The following GRID2 variants were observed in gnomAD, a reference collection of about 807,000 sequenced individuals.
The protein encoded by GRID2 is glutamate ionotropic receptor delta type subunit 2, also known as glutamate receptor ionotropic, delta-2.
GRID2 carries 33 observed loss-of-function variants against 114.8 expected under a neutral mutation model. The ratio of observed to expected loss-of-function variants is 0.29; its 90% CI spans 0.22 to 0.38. The LOEUF (loss-of-function observed/expected upper bound fraction) is 0.38, where lower values mean the gene tolerates loss of function less well. Ranked by LOEUF, GRID2 falls within the 10% of genes least tolerant of loss-of-function variation. The pLI is 1.00. For synonymous variants in GRID2, 505 were observed against 449.9 expected (o/e 1.12, Z -1.55); for missense variants, 1,184 against 1,257.7 (o/e 0.94, Z 0.89).
intron 2 of GRID2, among the ~76,000 whole-genome samples, chr4:92,856,274 T>C (rs1744173225): frequency 6.6e-6 from 1 of 152,118 alleles, no homozygotes. Flanking sequence ...CTTCTTGTCC[T>C]CTGAATTTCT....
chr4:92,506,498 A>G (rs190316004), intron 1 of GRID2, among the ~76,000 whole-genome samples: 13 of 152,124 alleles, frequency 8.5e-5, no homozygotes, highest in Admixed American at 7.2e-4. Flanking sequence ...AAATAATCAG[A>G]AGAAACATTG....
At chr4:93,440,176 G>C (rs1721494074) in intron 10 of GRID2, among the ~76,000 whole-genome samples, 1 of 152,028 alleles carries the variant, frequency 6.6e-6, no homozygotes, top group Non-Finnish European at 1.5e-5. Flanking sequence ...TCACACAAAA[G>C]AGTCTTACAT....
chr4:93,356,872 G>C (rs1364498998), intron 8 of GRID2, among the ~76,000 whole-genome samples: 1 of 151,690 alleles, frequency 6.6e-6, no homozygotes, highest in Non-Finnish European at 1.5e-5. Context: ...TTTTGGAACA[G>C]TTTTTATGAC....
At position 93,804,430 on chromosome 4, in the gene GRID2, C is replaced by T. The variant is rs374327603; in HGVS notation, c.222-2285C>T. On this transcript the variant is annotated intron_variant, in intron 1 of 1. Coordinates refer to the GRID2 transcript ENST00000637838. ...TCTGAGGCTACCAACCGGTACAGCA[C>T]GCCGCTGTACAGAATACCGCAGGCA... Among the ~76,000 whole-genome samples, 30 of 152,204 alleles carry T rather than the reference C, an allele frequency of 2.0e-4. 2 individuals carry two copies. In the South Asian group the frequency reaches 6.2e-3, roughly 31 times the overall value.
At chr4:93,676,110 T>C (rs1724832298) in intron 14 of GRID2, among the ~76,000 whole-genome samples, 1 of 152,244 alleles carries the variant, frequency 6.6e-6, no homozygotes. Context: ...TCATCTGTAT[T>C]GATTGCCACT....
At chr4:92,454,795 C>T (rs1366461945) in intron 1 of GRID2, among the ~76,000 whole-genome samples, 1 of 152,220 alleles carries the variant, frequency 6.6e-6, no homozygotes, top group Admixed American at 6.5e-5. Context: ...GAGATCGCAC[C>T]ACTGCACTCC....
chr4:93,319,187 T>G (rs1271708185), intron 8 of GRID2, among the ~76,000 whole-genome samples: 2 of 152,048 alleles, frequency 1.3e-5, no homozygotes, highest in Non-Finnish European at 2.9e-5. Flanking sequence ...ATGCTAGCCA[T>G]TCAAAATGTA....
At chr4:93,124,459 G>A (rs1436852501) in intron 4 of GRID2, among the ~76,000 whole-genome samples, 1 of 152,108 alleles carries the variant, frequency 6.6e-6, no homozygotes, top group African/African-American at 2.4e-5. Flanking sequence ...CATGCTACAA[G>A]TGCTATTAAT....
chr4:93,139,426 G>A (rs1024297066), intron 4 of GRID2, among the ~76,000 whole-genome samples: 1 of 152,146 alleles, frequency 6.6e-6, no homozygotes, highest in African/African-American at 2.4e-5. Context: ...AATCTGCCAG[G>A]TCAGGAAACC....
At chr4:92,903,239 G>GA (rs962654312) in intron 2 of GRID2, among the ~76,000 whole-genome samples, 52 of 144,482 alleles carry the variant, frequency 3.6e-4, no homozygotes, top group South Asian at 6.5e-4. Context: ...ATCTTGAAGG[G>GA]AAAAAAAAAA....
intron 8 of GRID2, among the ~76,000 whole-genome samples, chr4:93,285,611 A>G (rs1219650468): frequency 1.3e-5 from 2 of 152,044 alleles, no homozygotes; most frequent in African/African-American, 4.8e-5. Context: ...ATTTTTATAG[A>G]ATATTTTATG....
chr4:93,548,391 G>C (rs1733434068), intron 13 of GRID2, among the ~76,000 whole-genome samples: 1 of 152,150 alleles, frequency 6.6e-6, no homozygotes, highest in Non-Finnish European at 1.5e-5. Flanking sequence ...CATCTCATGG[G>C]AAGTTGAGTC....
chr4:93,025,740 G>A (rs1394044170), intron 2 of GRID2, among the ~76,000 whole-genome samples: 1 of 151,690 alleles, frequency 6.6e-6, no homozygotes, highest in Admixed American at 6.6e-5. Flanking sequence ...TTTTCACTTG[G>A]TAACTGGCTC....
intron 8 of GRID2, among the ~76,000 whole-genome samples, chr4:93,276,722 G>A (rs1752096933): frequency 6.6e-6 from 1 of 151,692 alleles, no homozygotes; most frequent in African/African-American, 2.4e-5. Context: ...ATTGTTCATT[G>A]CCAGTATGTA....
chr4:93,093,285 A>G (rs893797938), intron 3 of GRID2, among the ~76,000 whole-genome samples: 15 of 152,010 alleles, frequency 9.9e-5, no homozygotes, highest in Admixed American at 9.9e-4. Flanking sequence ...GCTTTTCAAA[A>G]TGGATGTACC....
At chr4:92,944,476 C>A (rs908631376) in intron 2 of GRID2, among the ~76,000 whole-genome samples, 2 of 152,224 alleles carry the variant, frequency 1.3e-5, no homozygotes, top group Non-Finnish European at 2.9e-5. Flanking sequence ...GTCTGTCACC[C>A]CTTTCTTTGA....
At chr4:93,340,922 C>T (rs1261556220) in intron 8 of GRID2, among the ~76,000 whole-genome samples, 2 of 152,116 alleles carry the variant, frequency 1.3e-5, no homozygotes, top group Non-Finnish European at 2.9e-5. Flanking sequence ...TTGTACCCTT[C>T]TTTATGCCTG....
At chr4:93,466,744 G>A (rs1012780328) in intron 11 of GRID2, among the ~76,000 whole-genome samples, 3 of 152,054 alleles carry the variant, frequency 2.0e-5, no homozygotes, top group African/African-American at 7.2e-5. Flanking sequence ...CTCTGGAATT[G>A]AATCCCACCT....
At chr4:93,298,441 T>C (rs1486899174) in intron 8 of GRID2, among the ~76,000 whole-genome samples, 1 of 152,166 alleles carries the variant, frequency 6.6e-6, no homozygotes, top group Admixed American at 6.5e-5. Context: ...TATGGTCCCT[T>C]TTAAAAGAGG....
Sources: allele counts gnomAD v4.1 joint callset (sites outside exome capture counted in the v4.1 genomes callset), GRCh38; gene constraint gnomAD v4.1.1; transcripts MANE v1.5; gene names NCBI Gene and HGNC (gene_info 2026-07-23, HGNC 2026-07-21).